DLG2: variants seen among roughly 807,000 people sequenced by gnomAD.
DLG2 encodes the protein discs large MAGUK scaffold protein 2, also known as disks large homolog 2.
Under a neutral mutation model 132.5 loss-of-function variants are expected in DLG2, and 45 were observed. The ratio of observed to expected loss-of-function variants is 0.34; its 90% CI spans 0.27 to 0.44. The LOEUF (loss-of-function observed/expected upper bound fraction) is 0.44. Ranked by LOEUF, DLG2 falls within the 20% of genes least tolerant of loss-of-function variation. DLG2 has a pLI of 1.00. For missense variants in DLG2, 1,045 were observed against 1,196.9 expected (o/e 0.87, Z 1.87); for synonymous variants, 424 against 419.6 (o/e 1.01, Z -0.13).
chr11:84,573,835 AT>A (rs1419085207), intron 6 of DLG2, among the ~76,000 whole-genome samples: 1 of 152,164 alleles, frequency 6.6e-6, no homozygotes, highest in African/African-American at 2.4e-5. Context: ...CATAACAATC[AT>A]TCATCTTCAT....
chr11:84,694,673 GAT>G (rs1465021580), intron 6 of DLG2, among the ~76,000 whole-genome samples: 2 of 151,342 alleles, frequency 1.3e-5, no homozygotes, highest in Non-Finnish European at 3.0e-5. Flanking sequence ...AAAACCCTTG[GAT>G]GAAAGGAAAA....
intron 6 of DLG2, among the ~76,000 whole-genome samples, chr11:84,623,365 A>T (rs2099617104): frequency 6.6e-6 from 1 of 152,180 alleles, no homozygotes; most frequent in Non-Finnish European, 1.5e-5. Context: ...ACTCAAGGAA[A>T]ATTCTTTCCA....
chr11:83,845,062 G>C (rs2058353581), intron 16 of DLG2, among the ~76,000 whole-genome samples: 1 of 151,874 alleles, frequency 6.6e-6, no homozygotes, highest in Non-Finnish European at 1.5e-5. Context: ...GACAAAAACT[G>C]AGTTCCAGAG....
chr11:85,259,453 C>A (rs2076830846), intron 4 of DLG2, among the ~76,000 whole-genome samples: 1 of 152,090 alleles, frequency 6.6e-6, no homozygotes, highest in Non-Finnish European at 1.5e-5. Context: ...AATGCAATAA[C>A]AAACTAATAT....
intron 2 of DLG2, among the ~76,000 whole-genome samples, chr11:85,604,488 A>G (rs551920110): frequency 6.6e-6 from 1 of 152,358 alleles, no homozygotes; most frequent in African/African-American, 2.4e-5. Flanking sequence ...ATAAAGTGGA[A>G]AGCTGAGATA....
At chr11:84,608,468 G>A (rs568203578) in intron 6 of DLG2, among the ~76,000 whole-genome samples, 5 of 152,154 alleles carry the variant, frequency 3.3e-5, no homozygotes, top group South Asian at 2.1e-4. Flanking sequence ...GCTAAGATTC[G>A]GTGAGAAACA....
At chr11:83,641,862 A>T (rs2066609662) in intron 18 of DLG2, among the ~76,000 whole-genome samples, 1 of 147,818 alleles carries the variant, frequency 6.8e-6, no homozygotes, top group African/African-American at 2.5e-5. Context: ...AGAGAGAGGG[A>T]GTGTGTGTGT....
Position 84,763,113 on chromosome 11 carries a change from G to A in DLG2, c.358-228382C>T, listed in dbSNP as rs1597538698. ...TAACTCCTATGCAACTTTCAGGACAGAGTCCGTATCTGTCTATTCACTGCC... is the reference window on the plus strand; with the variant it reads ...TAACTCCTATGCAACTTTCAGGACAAAGTCCGTATCTGTCTATTCACTGCC... On this transcript the variant is annotated intron_variant, in intron 6 of 27. Coordinates refer to ENST00000376104, the MANE Select transcript of DLG2 (RefSeq NM_001142699.3). 2.0e-5 allele frequency among the ~76,000 whole-genome samples: 3 copies of A among 152,294 alleles called. No individual in the cohort carries two copies. In the South Asian group the frequency reaches 6.2e-4, roughly 32 times the overall value.
intron 8 of DLG2, among the ~76,000 whole-genome samples, chr11:84,181,759 G>A (rs865815459): frequency 2.0e-4 from 31 of 152,090 alleles, no homozygotes; most frequent in Non-Finnish European, 2.9e-5. Context: ...AGATATCAAC[G>A]CAAGATAAAT....
intron 15 of DLG2, among the ~76,000 whole-genome samples, chr11:83,919,555 G>A (rs1008970740): frequency 1.3e-5 from 2 of 151,956 alleles, no homozygotes; most frequent in Non-Finnish European, 2.9e-5. Flanking sequence ...TACATTACAG[G>A]TGGCTGTTGA....
intron 11 of DLG2, among the ~76,000 whole-genome samples, chr11:84,019,181 T>A (rs900237554): frequency 6.6e-6 from 1 of 152,058 alleles, no homozygotes; most frequent in Admixed American, 6.6e-5. Flanking sequence ...GTAAAAAAAA[T>A]GCATACACAA....
chr11:85,457,601 C>T (rs2092464153), intron 3 of DLG2, among the ~76,000 whole-genome samples: 1 of 152,174 alleles, frequency 6.6e-6, no homozygotes, highest in Non-Finnish European at 1.5e-5. Flanking sequence ...ATATTTAGCA[C>T]TCCTTTCAGG....
chr11:84,017,501 C>CA (rs2095247323), intron 11 of DLG2, among the ~76,000 whole-genome samples: 1 of 151,856 alleles, frequency 6.6e-6, no homozygotes, highest in Admixed American at 6.6e-5. Flanking sequence ...TGTATCTAAT[C>CA]AAAGTGAAGT....
intron 3 of DLG2, among the ~76,000 whole-genome samples, chr11:85,572,284 C>T (rs2153225699): frequency 6.6e-6 from 1 of 152,174 alleles, no homozygotes; most frequent in East Asian, 1.9e-4. Flanking sequence ...TAGTTTTCAT[C>T]ACATGGAAAA....
rs533197900 is a variant in DLG2 at position 85,603,488 on chromosome 11, G to A, written c.-92-4700C>T. Among the ~76,000 whole-genome samples the A allele has an allele frequency of 4.0e-5, 6 of 150,892 alleles. No homozygotes were observed. In the East Asian group the frequency reaches 5.8e-4, roughly 15 times the overall value. ...TCATTAAAGTCTGCCGACATTTTTC[G>A]GGAAACCTACAAGTGCTGAGCACCT... On this transcript the variant is annotated intron_variant, in intron 2 of 27. Transcript: ENST00000376104.
chr11:83,798,541 T>A (rs1253386021), intron 17 of DLG2, among the ~76,000 whole-genome samples: 1 of 152,212 alleles, frequency 6.6e-6, no homozygotes, highest in African/African-American at 2.4e-5. Flanking sequence ...ACAGAATTAT[T>A]AACTGTGAAA....
At chr11:84,173,462 T>C (rs2095868172) in intron 8 of DLG2, among the ~76,000 whole-genome samples, 1 of 152,204 alleles carries the variant, frequency 6.6e-6, no homozygotes, top group Admixed American at 6.5e-5. Context: ...ATGCAAATCA[T>C]GTGGTCATTT....
intron 6 of DLG2, among the ~76,000 whole-genome samples, chr11:84,857,820 C>G (rs2082993184): frequency 6.6e-6 from 1 of 151,824 alleles, no homozygotes. Flanking sequence ...AGCTTGACAT[C>G]TTGTTATTTC....
rs923259801 is a variant in DLG2 at position 85,134,224 on chromosome 11, C to A, written c.282+20332G>T. 4.6e-5 allele frequency among the ~76,000 whole-genome samples: 7 copies of A among 151,334 alleles called. No homozygotes were observed. The South Asian group carries it at 1.5e-3, about 31-fold the overall frequency. On this transcript the variant is annotated intron_variant, in intron 5 of 27. Transcript: ENST00000376104. Reference sequence around the variant, plus strand: ...TATCTCCTCAGGATACTGGCAGGACCATTTCCCACCCCACTACTAACCACC... The same window carrying A: ...TATCTCCTCAGGATACTGGCAGGACAATTTCCCACCCCACTACTAACCACC...
Sources: allele counts gnomAD v4.1 joint callset (sites outside exome capture counted in the v4.1 genomes callset), GRCh38; gene constraint gnomAD v4.1.1; transcripts MANE v1.5; gene names NCBI Gene and HGNC (gene_info 2026-07-23, HGNC 2026-07-21).